SPRING1: variants seen among roughly 807,000 people sequenced by gnomAD.
SPRING1 encodes the protein SREBF pathway regulator in golgi 1, also known as SREBP regulating gene protein.
In SPRING1, 14 loss-of-function variants were observed where a neutral mutation model predicts 24.7. The observed-to-expected ratio is 0.57, with a 90% CI of 0.37 to 0.88. The LOEUF (loss-of-function observed/expected upper bound fraction) is 0.88, where lower values mean the gene tolerates loss of function less well. Among genes scored for constraint, SPRING1 ranks in the 40% least tolerant of loss-of-function variants. The pLI, the probability that SPRING1 is intolerant of heterozygous loss-of-function variation, is 0.00. For missense variants in SPRING1, 255 were observed against 268.4 expected, an observed-to-expected ratio of 0.95 and a Z score of 0.35; for synonymous variants, 93 against 106.1, an observed-to-expected ratio of 0.88 and a Z score of 0.76.
At chr12:116,727,878 T>C (rs113745477) in intron 1 of SPRING1, among the ~76,000 whole-genome samples, 2 of 152,212 alleles carry the variant, frequency 1.3e-5, no homozygotes, top group African/African-American at 4.8e-5. Flanking sequence ...CATTCTGCAA[T>C]ATATATATAT....
rs1870357676 is a variant in SPRING1, at chr12:116,720,213, C to T, written c.420+83G>A. On this transcript the variant is annotated intron_variant, in intron 3 of 4. Transcript: ENST00000261318. This position sits in a 1 kb window ranked among gnomAD's most constrained non-coding sequence, Gnocchi z 4.0. ...TTCTAAGTTTTATTTTCAGAGGAAT[C>T]TCACATGAAGAGCCTAATGCTCATC... The T allele has an allele frequency of 1.4e-6, 2 of 1,449,870 alleles. No individual in the cohort carries two copies. Among genetic ancestry groups the T allele is most frequent in the Non-Finnish European group, 1.8e-6 (2 of 1,088,656 alleles). The allele number at this position is 1,449,870 out of a possible 1,614,324, so 89.8% of individuals were successfully genotyped here.
rs945732626 is a variant in SPRING1, at chr12:116,720,108, C to G, written c.420+188G>C. 1 of 782,944 alleles carries G rather than the reference C, an allele frequency of 1.3e-6. No individual in the cohort carries two copies. The highest frequency in any genetic ancestry group is 2.0e-6 in the Non-Finnish European group (1 of 499,302). The allele number at this position is 782,944 out of a possible 1,614,324, so 48.5% of individuals were successfully genotyped here. ...TACAATGATCCATTCTGCAAAAGAACCATTCAAGCAACTGGGAACCACCTC... is the reference window on the plus strand; with the variant it reads ...TACAATGATCCATTCTGCAAAAGAAGCATTCAAGCAACTGGGAACCACCTC... On this transcript the variant is annotated intron_variant, in intron 3 of 4. Coordinates refer to ENST00000261318, the MANE Select transcript of SPRING1 (RefSeq NM_024738.4). This position sits in a 1 kb window ranked among gnomAD's most constrained non-coding sequence, Gnocchi z 4.0.
chr12:116,732,434 G>A (rs140358884), intron 1 of SPRING1, among the ~76,000 whole-genome samples: 9 of 151,952 alleles, frequency 5.9e-5, no homozygotes, highest in East Asian at 1.9e-4. Context: ...AAGGCTGGAC[G>A]CACTGGCTCA....
chr12:116,723,452 C>A (rs1210671402), intron 1 of SPRING1, among the ~76,000 whole-genome samples: 1 of 152,092 alleles, frequency 6.6e-6, no homozygotes, highest in East Asian at 1.9e-4. Flanking sequence ...TACTTACATG[C>A]GTGGCTCCTG....
rs533668841 is a variant in SPRING1, at chr12:116,728,298, G to A, written c.112-5075C>T. 7.9e-5 allele frequency among the ~76,000 whole-genome samples: 12 copies of A among 152,102 alleles called. No individual in the cohort carries two copies. The highest frequency in any genetic ancestry group is 4.6e-4 in the Admixed American group (7 of 15,276). On this transcript the variant is annotated intron_variant, in intron 1 of 4. Coordinates refer to ENST00000261318, the MANE Select transcript of SPRING1 (RefSeq NM_024738.4). This position sits in a 1 kb window ranked among gnomAD's most constrained non-coding sequence, Gnocchi z 4.2. ...TATTTACTATCTCTCCTCCTTACCC[G>A]CTAGTGGAATATAGGCTCTTGGAGG...
chr12:116,720,156 G>A lies in SPRING1; in HGVS notation c.420+140C>T. ...CTCCTTTCCTTAGATAAAAGCTATT[G>A]TGCAGCAATTTCTGACACCTACAAA... On this transcript the variant is annotated intron_variant, in intron 3 of 4. Coordinates refer to ENST00000261318, the MANE Select transcript of SPRING1 (RefSeq NM_024738.4). This position sits in a 1 kb window ranked among gnomAD's most constrained non-coding sequence, Gnocchi z 4.0. 1 of 1,128,972 alleles carries A rather than the reference G, an allele frequency of 8.9e-7. No homozygotes were observed. Among genetic ancestry groups the A allele is most frequent in the Non-Finnish European group, 1.2e-6 (1 of 811,034 alleles). 69.9% of individuals were successfully genotyped at this position (1,128,972 alleles called of 1,614,324 possible). A position where few individuals can be genotyped will look rare whatever the true frequency, so the allele number is the denominator to read the frequency against.
At chr12:116,726,608 G>A (rs182889) in intron 1 of SPRING1, among the ~76,000 whole-genome samples, 75,426 of 151,942 alleles carry the variant, frequency 0.5, 19,549 homozygotes, top group East Asian at 0.63. Context: ...AAATCACTTA[G>A]GTGCATGCTG....
In SPRING1 at chr12:116,717,831, C is replaced by T. The variant is rs201126216; in HGVS notation, c.597G>A (p.Pro199=). ...CCCGTCAAGCGGGGAAGAGCTCGGG[C>T]GGGCTTTCTCCATAGCAATACTTTG... ...PIAKYCYGES[P]PELFPA The change falls in exon 5 of 5, where the codon CCG becomes CCA. Residue 199 remains proline (P), a synonymous_variant. Transcript: ENST00000261318. The surrounding 1 kb of genome is among the most constrained non-coding windows in gnomAD (Gnocchi z 4.2). 31 of 1,602,942 alleles carry T rather than the reference C, an allele frequency of 1.9e-5. No individual in the cohort carries two copies. The East Asian group carries it at 6.3e-4, about 33-fold the overall frequency.
In SPRING1 at chr12:116,720,443, G is replaced by A. The variant is rs139514585; in HGVS notation, c.273C>T (p.Tyr91=). The change falls in exon 3 of 5, where the codon TAC becomes TAT. Residue 91 remains tyrosine, a synonymous_variant. Coordinates refer to ENST00000261318, the MANE Select transcript of SPRING1 (RefSeq NM_024738.4). This position sits in a 1 kb window ranked among gnomAD's most constrained non-coding sequence, Gnocchi z 4.0. ...CCAGCAAATCCTTCCTCTCGCAAAC[G>A]TAGCCTGAAAGTCAGAGACCAACCT... ...GKHLITDELG[Y]VCERKDLLVN... is the part of the protein sequence containing the mutation. 293 of 1,613,848 alleles carry A rather than the reference G, an allele frequency of 1.8e-4. No homozygotes were observed. The African/African-American group carries it at 1.9e-3, about 10-fold the overall frequency.
intron 1 of SPRING1, among the ~76,000 whole-genome samples, chr12:116,733,980 G>A (rs545493163): frequency 3.7e-4 from 57 of 152,260 alleles, no homozygotes; most frequent in African/African-American, 1.3e-3. Context: ...AGGTTCAAGC[G>A]ACTCTCCTGC....
chr12:116,737,309 G>A (rs1162521122), intron 1 of SPRING1, among the ~76,000 whole-genome samples: 1 of 151,996 alleles, frequency 6.6e-6, no homozygotes, highest in Non-Finnish European at 1.5e-5. Flanking sequence ...AACGCGAGGA[G>A]TAAGGAAAAA....
Position 116,713,730 on chromosome 12 carries a change from CCAT to C in SPRING1, c.*4077_*4079del, listed in dbSNP as rs1390505701. On this transcript the variant is annotated 3_prime_UTR_variant, in exon 5 of 5. Coordinates refer to ENST00000261318, the MANE Select transcript of SPRING1 (RefSeq NM_024738.4). ...TTATTGTATATTCATGAAATTGACA[CCAT>C]GTGGCCACACAAATGCATTACACAG... The C allele has an allele frequency of 6.6e-6, 1 of 152,166 alleles. No homozygotes were observed. The highest frequency in any genetic ancestry group is 1.5e-5 in the Non-Finnish European group (1 of 68,038). 9.4% of individuals were successfully genotyped at this position (152,166 alleles called of 1,614,324 possible).
rs935444873 is a variant in SPRING1, at chr12:116,713,894, T to C, written c.*3916A>G. 4 of 152,202 alleles carry C rather than the reference T, an allele frequency of 2.6e-5. No individual in the cohort carries two copies. Among genetic ancestry groups the C allele is most frequent in the Admixed American group, 1.3e-4 (2 of 15,282 alleles). The allele number at this position is 152,202 out of a possible 1,614,324, so 9.4% of individuals were successfully genotyped here. A position where few individuals can be genotyped will look rare whatever the true frequency, so the allele number is the denominator to read the frequency against. On this transcript the variant is annotated 3_prime_UTR_variant, in exon 5 of 5. Coordinates refer to ENST00000261318, the MANE Select transcript of SPRING1 (RefSeq NM_024738.4). The stretch of plus-strand genomic sequence containing the variant: ...TGTGTGATTTTAGGTTATCCTAAGT[T>C]TCATCCTTACGTGCTCCTGAATTAT...
chr12:116,717,751 G>A lies in SPRING1; in HGVS notation c.*59C>T, dbSNP rs915905839. The A allele has an allele frequency of 7.0e-7, 1 of 1,433,892 alleles. No individual in the cohort carries two copies. Among genetic ancestry groups the A allele is most frequent in the African/African-American group, 1.4e-5 (1 of 70,770 alleles). 88.8% of individuals were successfully genotyped at this position (1,433,892 alleles called of 1,614,324 possible). A position where few individuals can be genotyped will look rare whatever the true frequency, so the allele number is the denominator to read the frequency against. On this transcript the variant is annotated 3_prime_UTR_variant, in exon 5 of 5. Coordinates refer to ENST00000261318, the MANE Select transcript of SPRING1 (RefSeq NM_024738.4). This position sits in a 1 kb window ranked among gnomAD's most constrained non-coding sequence, Gnocchi z 4.2. ...GCCCGATGGCTGAAGCTGGGTCCCAGGAGGCGAGTTCTTCAGCGGGGCCTC... is the reference window on the plus strand; with the variant it reads ...GCCCGATGGCTGAAGCTGGGTCCCAAGAGGCGAGTTCTTCAGCGGGGCCTC...
chr12:116,726,752 A>C (rs1472297297), intron 1 of SPRING1, among the ~76,000 whole-genome samples: 2 of 152,234 alleles, frequency 1.3e-5, no homozygotes, highest in African/African-American at 4.8e-5. Flanking sequence ...AAAGATTATT[A>C]AGAGCTTGGT....
intron 1 of SPRING1, among the ~76,000 whole-genome samples, chr12:116,726,444 A>C (rs1870695100): frequency 6.6e-6 from 1 of 152,174 alleles, no homozygotes; most frequent in Non-Finnish European, 1.5e-5. Flanking sequence ...AGGTGGCTTT[A>C]ATTTCTATTC....
At chr12:116,726,138 C>T (rs1179668253) in intron 1 of SPRING1, among the ~76,000 whole-genome samples, 1 of 152,184 alleles carries the variant, frequency 6.6e-6, no homozygotes, top group East Asian at 1.9e-4. Context: ...TTGATAATCA[C>T]ATTTTCAAGG....
At chr12:116,737,536 AAGGTG>A (rs1386010987) in intron 1 of SPRING1, among the ~76,000 whole-genome samples, 1 of 8,166 alleles carries the variant, frequency 1.2e-4, no homozygotes, top group Non-Finnish European at 2.8e-4. Flanking sequence ...AAGGAGGAGG[AAGGTG>A]AGGAAGGTAA....
intron 1 of SPRING1, among the ~76,000 whole-genome samples, chr12:116,734,785 C>T (rs1334521893): frequency 6.6e-6 from 1 of 152,130 alleles, no homozygotes; most frequent in African/African-American, 2.4e-5. Flanking sequence ...TAATTTACAC[C>T]GTGTCACCAG....
Sources: allele counts gnomAD v4.1 joint callset (sites outside exome capture counted in the v4.1 genomes callset), GRCh38; gene constraint gnomAD v4.1.1; non-coding constraint Gnocchi (gnomAD v3.1); transcripts MANE v1.5; gene names NCBI Gene and HGNC (gene_info 2026-07-23, HGNC 2026-07-21).